The following WASL variants were observed in gnomAD, a reference collection of about 807,000 sequenced individuals.
WASL encodes actin nucleation-promoting factor WASL.
In WASL, 20 loss-of-function variants were observed where a neutral mutation model predicts 55.5. The observed-to-expected ratio is 0.36, with a 90% confidence interval of 0.25 to 0.52. WASL has a LOEUF of 0.52. Ranked by LOEUF, WASL falls within the 20% of genes least tolerant of loss-of-function variation. The pLI, the probability that WASL is intolerant of heterozygous loss-of-function variation, is 0.92. For synonymous variants in WASL, 249 were observed against 217.6 expected (o/e 1.14, Z -1.27); for missense variants, 504 against 622.5 (o/e 0.81, Z 2.03).
intron 1 of WASL, among the ~76,000 whole-genome samples, chr7:123,727,500 A>G (rs1488413885): frequency 6.6e-6 from 1 of 152,200 alleles, no homozygotes; most frequent in African/African-American, 2.4e-5. Flanking sequence ...AACACTGACC[A>G]GTTGACTAAT....
intron 8 of WASL, 75 bp from the exon 9 acceptor site, chr7:123,692,942 T>C: frequency 3.8e-6 from 5 of 1,314,950 alleles, no homozygotes; most frequent in Non-Finnish European, 4.8e-6. Flanking sequence ...TAATTCATTT[T>C]AACATGTATA....
intron 4 of WASL, among the ~76,000 whole-genome samples, chr7:123,706,044 A>AT (rs1343296321): frequency 1.3e-5 from 2 of 152,176 alleles, no homozygotes; most frequent in African/African-American, 4.8e-5. Flanking sequence ...GGACCACCAA[A>AT]TTTTTTTGTA....
chr7:123,742,587 A>C (rs1230337741), intron 1 of WASL, among the ~76,000 whole-genome samples: 1 of 152,214 alleles, frequency 6.6e-6, no homozygotes, highest in Non-Finnish European at 1.5e-5. Context: ...TTAGGATTCT[A>C]GATGGAATTG....
chr7:123,732,191 G>T (rs561110493), intron 1 of WASL, among the ~76,000 whole-genome samples: 9 of 152,196 alleles, frequency 5.9e-5, no homozygotes, highest in Admixed American at 6.5e-5. Context: ...TTAGCCGGGT[G>T]TGGTGGCGGA....
intron 10 of WASL, among the ~76,000 whole-genome samples, chr7:123,685,315 G>C (rs1737615425): frequency 6.6e-6 from 1 of 151,646 alleles, no homozygotes. Context: ...TCCAGTTATT[G>C]TCTCTCTCTC....
At chr7:123,743,101 T>C (rs929651212) in intron 1 of WASL, among the ~76,000 whole-genome samples, 4 of 151,756 alleles carry the variant, frequency 2.6e-5, no homozygotes, top group South Asian at 4.2e-4. Context: ...CTTTGGGAGG[T>C]TGAAGCGGAC....
At chr7:123,711,192 TA>T (rs1186074644) in intron 1 of WASL, among the ~76,000 whole-genome samples, 3 of 152,126 alleles carry the variant, frequency 2.0e-5, no homozygotes, top group African/African-American at 7.2e-5. Flanking sequence ...ATCCCCTTGC[TA>T]GCCAAAGGAC....
chr7:123,688,397 G>T (rs888074194), intron 10 of WASL, among the ~76,000 whole-genome samples: 8 of 152,046 alleles, frequency 5.3e-5, no homozygotes, highest in Non-Finnish European at 5.9e-5. Flanking sequence ...TTTTGCTCTT[G>T]TTGCCCATGT....
intron 1 of WASL, among the ~76,000 whole-genome samples, chr7:123,709,597 T>C (rs2116790740): frequency 1.3e-5 from 2 of 152,332 alleles, no homozygotes; most frequent in South Asian, 2.1e-4. Flanking sequence ...ACCACACAGC[T>C]AAATGGCAGA....
chr7:123,739,689 C>T (rs890353519), intron 1 of WASL, among the ~76,000 whole-genome samples: 1 of 152,102 alleles, frequency 6.6e-6, no homozygotes, highest in Non-Finnish European at 1.5e-5. Flanking sequence ...TTTTTGACTA[C>T]AACATTTTCA....
intron 1 of WASL, among the ~76,000 whole-genome samples, chr7:123,731,770 G>A (rs926686541): frequency 3.9e-5 from 6 of 152,072 alleles, no homozygotes; most frequent in African/African-American, 1.4e-4. Context: ...TCATGAAAAT[G>A]AGTACAATGC....
intron 5 of WASL, among the ~76,000 whole-genome samples, chr7:123,700,155 A>G (rs1803557231): frequency 8.5e-6 from 1 of 117,552 alleles, no homozygotes; most frequent in Non-Finnish European, 1.6e-5. Context: ...CAGCCTGGGC[A>G]ACAGAGCGAA....
chr7:123,736,741 G>T (rs1199015441), intron 1 of WASL, among the ~76,000 whole-genome samples: 1 of 152,090 alleles, frequency 6.6e-6, no homozygotes, highest in Non-Finnish European at 1.5e-5. Context: ...AAGAAAACAA[G>T]ACAAATAATA....
intron 9 of WASL, among the ~76,000 whole-genome samples, chr7:123,689,687 GGAGAT>G (rs1274725178): frequency 1.3e-5 from 2 of 151,822 alleles, no homozygotes; most frequent in East Asian, 3.9e-4. Context: ...TTCTTTTTAA[GGAGAT>G]GAGTTGATCA....
intron 1 of WASL, among the ~76,000 whole-genome samples, chr7:123,747,979 G>A (rs1199690349): frequency 6.6e-6 from 1 of 151,408 alleles, no homozygotes; most frequent in Non-Finnish European, 1.5e-5. Context: ...CCACCAATGG[G>A]GGGAAAAAAA....
At chr7:123,710,939 T>C (rs1803744091) in intron 1 of WASL, among the ~76,000 whole-genome samples, 1 of 152,168 alleles carries the variant, frequency 6.6e-6, no homozygotes, top group African/African-American at 2.4e-5. Context: ...AATACCAGGC[T>C]GAAGAATGCA....
At chr7:123,738,384 G>A (rs1213111788) in intron 1 of WASL, among the ~76,000 whole-genome samples, 2 of 152,168 alleles carry the variant, frequency 1.3e-5, no homozygotes, top group Non-Finnish European at 2.9e-5. Flanking sequence ...TGCTGGCCAA[G>A]TAAAACATTA....
chr7:123,694,989 T>C, intron 7 of WASL, 121 bp from the exon 8 acceptor site: 5 of 931,324 alleles, frequency 5.4e-6, no homozygotes, highest in East Asian at 2.6e-5. Context: ...CTTATATTAC[T>C]TATGTGCTAA....
At chr7:123,690,470 G>A (rs1018849812) in intron 9 of WASL, among the ~76,000 whole-genome samples, 4 of 134,212 alleles carry the variant, frequency 3.0e-5, no homozygotes, top group African/African-American at 1.1e-4. Context: ...AAAAAATAAC[G>A]AACTCGGATT....
Sources: allele counts gnomAD v4.1 joint callset (sites outside exome capture counted in the v4.1 genomes callset), GRCh38; gene constraint gnomAD v4.1.1; transcripts MANE v1.5; gene names NCBI Gene and HGNC (gene_info 2026-07-23, HGNC 2026-07-21).